SLCO3A1: variants seen among roughly 807,000 people sequenced by gnomAD.
SLCO3A1 encodes PGE1 transporter.
In SLCO3A1, 27 loss-of-function variants were observed where a neutral mutation model predicts 63.1. That is an observed-to-expected ratio of 0.43 (90% CI 0.32 to 0.59). The LOEUF (loss-of-function observed/expected upper bound fraction) is 0.59. Ranked by LOEUF, SLCO3A1 falls within the 20% of genes least tolerant of loss-of-function variation. SLCO3A1 has a pLI of 0.09. For missense variants in SLCO3A1, 773 were observed against 945.8 expected (o/e 0.82, Z 2.40); for synonymous variants, 473 against 409.9 (o/e 1.15, Z -1.86).
Position 91,862,322 on chromosome 15 carries a change from T to C in SLCO3A1, c.180+8234T>C, listed in dbSNP as rs989000036. Among the ~76,000 whole-genome samples, 1 of 151,996 alleles carries C rather than the reference T, an allele frequency of 6.6e-6. No individual in the cohort carries two copies. The highest frequency in any genetic ancestry group is 1.9e-4 in the East Asian group (1 of 5,154). ...GCGCGTACCACCACTCGGCTAATTTTTTGTATTTTTTTTAGTGGAGACGGG... is the reference window on the plus strand; with the variant it reads ...GCGCGTACCACCACTCGGCTAATTTCTTGTATTTTTTTTAGTGGAGACGGG... On this transcript the variant is annotated intron_variant, in intron 1 of 9. Coordinates refer to ENST00000318445, the MANE Select transcript of SLCO3A1 (RefSeq NM_013272.4). This position sits in a 1 kb window ranked among gnomAD's most constrained non-coding sequence, Gnocchi z 4.0.
In SLCO3A1 at chr15:91,883,415, C is replaced by T. The variant is rs1018080633; in HGVS notation, c.180+29327C>T. Among the ~76,000 whole-genome samples the T allele has an allele frequency of 5.9e-5, 9 of 152,302 alleles. No homozygotes were observed. Among genetic ancestry groups the T allele is most frequent in the African/African-American group, 1.4e-4 (6 of 41,562 alleles). ...AAGCAGTGCCAGTTTGGGATCAGAA[C>T]GTCCAATCGCTGACTGGTTCTCTTG... On this transcript the variant is annotated intron_variant, in intron 1 of 9. Coordinates refer to ENST00000318445, the MANE Select transcript of SLCO3A1 (RefSeq NM_013272.4). This position sits in a 1 kb window ranked among gnomAD's most constrained non-coding sequence, Gnocchi z 4.8.
intron 2 of SLCO3A1, among the ~76,000 whole-genome samples, chr15:92,005,573 C>G (rs371958044): frequency 1.1e-4 from 17 of 152,306 alleles, no homozygotes; most frequent in African/African-American, 4.1e-4. Context: ...GCTCAAGCAC[C>G]TGCCTGTGCT....
intron 2 of SLCO3A1, among the ~76,000 whole-genome samples, chr15:92,008,626 A>T (rs541389005): frequency 6.6e-6 from 1 of 152,344 alleles, no homozygotes; most frequent in Non-Finnish European, 1.5e-5. Context: ...TGAAATCATA[A>T]ATCAGGTTTA....
At position 91,859,218 on chromosome 15, in the gene SLCO3A1, G is replaced by A. The variant is rs1028059501; in HGVS notation, c.180+5130G>A. Among the ~76,000 whole-genome samples, 3 of 152,130 alleles carry A rather than the reference G, an allele frequency of 2.0e-5. No homozygotes were observed. Among genetic ancestry groups the A allele is most frequent in the Admixed American group, 6.5e-5 (1 of 15,272 alleles). The stretch of plus-strand genomic sequence containing the variant: ...ATGGTTGACACATGGATTTGGAACC[G>A]TTCTCCCCTGAAGAAAATCTCGGTA... On this transcript the variant is annotated intron_variant, in intron 1 of 9. Transcript: ENST00000318445. The surrounding 1 kb of genome is among the most constrained non-coding windows in gnomAD (Gnocchi z 5.1).
intron 2 of SLCO3A1, among the ~76,000 whole-genome samples, chr15:91,995,749 A>C (rs2046183857): frequency 6.6e-6 from 1 of 151,920 alleles, no homozygotes; most frequent in Non-Finnish European, 1.5e-5. Context: ...AAAAAAAAAA[A>C]AAACTTGTAC....
Position 91,916,314 on chromosome 15 carries a change from C to A in SLCO3A1, c.502C>A (p.Arg168Ser), listed in dbSNP as rs746492966. Residue 168 changes from arginine (R) to serine (S), a missense_variant, in exon 2 of 10, where the codon CGC (arginine) becomes AGC (serine). By Grantham distance (110) the Arg-to-Ser change is moderately radical. Around this residue, in one of 3 missense-constraint regions of SLCO3A1, gnomAD observed 565 missense variants for 749.8 expected, o/e 0.75. Transcript: ENST00000318445. This position sits in a 1 kb window ranked among gnomAD's most constrained non-coding sequence, Gnocchi z 6.2. ...DEGPDPDLICRNRTATNMMYL... is the reference protein window; with the variant it reads ...DEGPDPDLICSNRTATNMMYL... Reference sequence around the variant, plus strand: ...GGGGCCCGACCCCGACCTCATCTGCCGCAACCGGACGGCTACCAACATGAT... The same window carrying A: ...GGGGCCCGACCCCGACCTCATCTGCAGCAACCGGACGGCTACCAACATGAT... The A allele has an allele frequency of 2.5e-6, 4 of 1,583,038 alleles. No individual in the cohort carries two copies. In the East Asian group the frequency reaches 6.9e-5, roughly 27 times the overall value.
In SLCO3A1 at chr15:92,143,456, T is replaced by TA. The variant is rs1567143148; in HGVS notation, c.1513-3527dup. On this transcript the variant is annotated intron_variant, in intron 7 of 9. Transcript: ENST00000318445. Reference sequence around the variant, plus strand: ...ATATATATAATATATATATAATATATATAATATATATAAATATATATATAT... The same window carrying TA: ...ATATATATAATATATATATAATATATAATAATATATATAAATATATATATAT... Among the ~76,000 whole-genome samples the TA allele has an allele frequency of 1.3e-3, 20 of 15,672 alleles. 3 individuals are homozygous for TA. The highest frequency in any genetic ancestry group is 0.011 in the African/African-American group (20 of 1,820). The allele number at this position is 15,672 out of a possible 152,430, so 10.3% of individuals were successfully genotyped here. A position where few individuals can be genotyped will look rare whatever the true frequency, so the allele number is the denominator to read the frequency against.
At chr15:91,924,047 T>C (rs1461630826) in intron 2 of SLCO3A1, among the ~76,000 whole-genome samples, 1 of 152,250 alleles carries the variant, frequency 6.6e-6, no homozygotes, top group African/African-American at 2.4e-5. Flanking sequence ...CTGCGGTGAC[T>C]TTTTCCAAAA....
At chr15:92,039,780 G>A (rs1050984068) in intron 2 of SLCO3A1, among the ~76,000 whole-genome samples, 5 of 152,174 alleles carry the variant, frequency 3.3e-5, no homozygotes, top group African/African-American at 4.8e-5. Flanking sequence ...GTTTATTACA[G>A]CACTGTTTAC....
intron 2 of SLCO3A1, among the ~76,000 whole-genome samples, chr15:91,936,919 T>C (rs1453906707): frequency 6.6e-6 from 1 of 152,230 alleles, no homozygotes; most frequent in Admixed American, 6.5e-5. Context: ...ATATGGTCAC[T>C]GTGATTATGG....
At chr15:91,901,906 T>A (rs1898167088) in intron 1 of SLCO3A1, among the ~76,000 whole-genome samples, 1 of 45,678 alleles carries the variant, frequency 2.2e-5, no homozygotes, top group Admixed American at 2.3e-4. Flanking sequence ...TTTCTTCAAT[T>A]TTTTTTTCTG....
In SLCO3A1 at chr15:91,956,969, T is replaced by TATATAGTATATATA. The variant is rs1900206249; in HGVS notation, c.646+40516_646+40517insGTATATATAATATA. Among the ~76,000 whole-genome samples the TATATAGTATATATA allele has an allele frequency of 9.8e-5, 2 of 20,392 alleles. 1 individual carries two copies. The highest frequency in any genetic ancestry group is 1.4e-4 in the Non-Finnish European group (2 of 14,014). 13.4% of individuals were successfully genotyped at this position (20,392 alleles called of 152,430 possible). On this transcript the variant is annotated intron_variant, in intron 2 of 9. Transcript: ENST00000318445. Reference sequence around the variant, plus strand: ...TGCCTGGCTAATTTATTTATATATATATATATAGTATATATAATATATAGT... The same window carrying TATATAGTATATATA: ...TGCCTGGCTAATTTATTTATATATATATATAGTATATATAATATATAGTATATATAATATATAGT...
intron 9 of SLCO3A1, among the ~76,000 whole-genome samples, chr15:92,160,268 A>G (rs1239567167): frequency 1.3e-5 from 2 of 152,182 alleles, no homozygotes; most frequent in African/African-American, 4.8e-5. Context: ...CTCTAGGTCC[A>G]TCTGTAATAC....
At chr15:92,014,219 G>C (rs535679323) in intron 2 of SLCO3A1, among the ~76,000 whole-genome samples, 1 of 152,104 alleles carries the variant, frequency 6.6e-6, no homozygotes, top group Non-Finnish European at 1.5e-5. Flanking sequence ...CCTGATGGGC[G>C]TCTCACCTAG....
chr15:91,983,725 T>C (rs2046015806), intron 2 of SLCO3A1, among the ~76,000 whole-genome samples: 1 of 152,180 alleles, frequency 6.6e-6, no homozygotes, highest in Non-Finnish European at 1.5e-5. Flanking sequence ...AATAAAATCA[T>C]GTTGATCGGC....
chr15:91,919,041 G>T (rs1898754336), intron 2 of SLCO3A1, among the ~76,000 whole-genome samples: 1 of 152,152 alleles, frequency 6.6e-6, no homozygotes, highest in Non-Finnish European at 1.5e-5. Context: ...CTTCCCTTTG[G>T]GTGTCAGCAG....
intron 2 of SLCO3A1, among the ~76,000 whole-genome samples, chr15:92,023,495 T>C (rs1483618054): frequency 6.6e-6 from 1 of 151,806 alleles, no homozygotes; most frequent in Admixed American, 6.6e-5. Context: ...TAAGACAGTG[T>C]CACTCATTCT....
intron 2 of SLCO3A1, among the ~76,000 whole-genome samples, chr15:92,032,645 G>A (rs1597240948): frequency 1.3e-5 from 1 of 79,714 alleles, no homozygotes; most frequent in Non-Finnish European, 3.5e-5. Flanking sequence ...AGAAAGCCCT[G>A]GGTGCGGTGA....
At chr15:91,963,127 C>T (rs1305334616) in intron 2 of SLCO3A1, among the ~76,000 whole-genome samples, 7 of 151,984 alleles carry the variant, frequency 4.6e-5, no homozygotes, top group African/African-American at 1.5e-4. Flanking sequence ...TTCAGACCCC[C>T]AATACACCTG....
Sources: allele counts gnomAD v4.1 joint callset (sites outside exome capture counted in the v4.1 genomes callset), GRCh38; gene constraint gnomAD v4.1.1; regional missense constraint gnomAD v4.1.1; non-coding constraint Gnocchi (gnomAD v3.1); transcripts MANE v1.5; gene names NCBI Gene and HGNC (gene_info 2026-07-23, HGNC 2026-07-21).